The following C8orf34 variants were observed in gnomAD, a reference collection of about 807,000 sequenced individuals.
C8orf34 encodes the protein chromosome 8 open reading frame 34.
In C8orf34, 65 loss-of-function variants were observed where a neutral mutation model predicts 68.3. The ratio of observed to expected loss-of-function variants is 0.95; its 90% CI spans 0.78 to 1.17. C8orf34 has a LOEUF of 1.17. Among genes scored for constraint, C8orf34 ranks in the 50% most tolerant of loss-of-function variants. The probability of loss-of-function intolerance (pLI) is 0.00; values close to 1 mark genes in which losing one functional copy is unlikely to be tolerated. For synonymous variants in C8orf34, 244 were observed against 241.2 expected (o/e 1.01, Z -0.11); for missense variants, 664 against 655.4 (o/e 1.01, Z -0.14).
At chr8:68,459,971 C>G (rs1811725867) in intron 3 of C8orf34, among the ~76,000 whole-genome samples, 1 of 152,110 alleles carries the variant, frequency 6.6e-6, no homozygotes, top group South Asian at 2.1e-4. Context: ...TATGCGCGAG[C>G]CGAAGCAGGA....
intron 10 of C8orf34, among the ~76,000 whole-genome samples, chr8:68,731,683 AAACT>A (rs1821982447): frequency 6.6e-6 from 1 of 152,240 alleles, no homozygotes; most frequent in Non-Finnish European, 1.5e-5. Context: ...TTCTTACATA[AAACT>A]ATCTATTAGT....
At chr8:68,500,311 C>G (rs577301721) in intron 5 of C8orf34, among the ~76,000 whole-genome samples, 4 of 152,224 alleles carry the variant, frequency 2.6e-5, no homozygotes, top group South Asian at 2.1e-4. Flanking sequence ...TAAAAAATAA[C>G]TGGCCCATAC....
chr8:68,682,200 A>C (rs1820390071), intron 8 of C8orf34, among the ~76,000 whole-genome samples: 1 of 152,132 alleles, frequency 6.6e-6, no homozygotes, highest in Admixed American at 6.6e-5. Context: ...AAAAATAGCT[A>C]AAATAGTATA....
At chr8:68,457,611 A>G (rs1811607894) in intron 3 of C8orf34, among the ~76,000 whole-genome samples, 1 of 152,206 alleles carries the variant, frequency 6.6e-6, no homozygotes. Context: ...GAATTTGATG[A>G]CTATAATAAA....
intron 7 of C8orf34, among the ~76,000 whole-genome samples, chr8:68,591,986 C>T (rs1290785155): frequency 6.6e-6 from 1 of 151,932 alleles, no homozygotes; most frequent in Non-Finnish European, 1.5e-5. Context: ...AAAAGGAACC[C>T]CCCAAATAAG....
At position 68,446,460 on chromosome 8, in the gene C8orf34, T is replaced by C. The variant is rs1420059245; in HGVS notation, c.607T>C (p.Leu203=). 5 of 1,610,306 alleles carry C rather than the reference T, an allele frequency of 3.1e-6. No homozygotes were observed. The highest frequency in any genetic ancestry group is 1.1e-5 in the South Asian group (1 of 89,916). The change falls in exon 3 of 14, where the codon TTG becomes CTG. Residue 203 remains leucine, a splice_region_variant and synonymous_variant. Coordinates refer to ENST00000518698, the MANE Select transcript of C8orf34 (RefSeq NM_052958.4). ...ISPPSPDSKS[L]PRSVEHPKWN... is the part of the protein sequence containing the mutation. The stretch of plus-strand genomic sequence containing the variant: ...TCCACCATCACCGGACTCCAAATCA[T>C]GTAAGGAAGTCTCTTATTCAAATGC...
intron 1 of C8orf34, among the ~76,000 whole-genome samples, chr8:68,419,722 G>A (rs1396709451): frequency 1.0e-4 from 15 of 150,456 alleles, no homozygotes; most frequent in African/African-American, 2.0e-4. Context: ...GTAAACTATC[G>A]CAAGAACAAA....
chr8:68,335,106 C>A (rs1212123967), intron 1 of C8orf34, among the ~76,000 whole-genome samples: 1 of 152,106 alleles, frequency 6.6e-6, no homozygotes, highest in African/African-American at 2.4e-5. Context: ...CAGCCGTGGG[C>A]TACCTGTTAT....
chr8:68,773,478 GCAA>G (rs1022212360), intron 10 of C8orf34, among the ~76,000 whole-genome samples: 97 of 152,112 alleles, frequency 6.4e-4, no homozygotes, highest in African/African-American at 2.2e-3. Flanking sequence ...TCGGCTCACT[GCAA>G]CCTCTGCCTC....
chr8:68,737,780 G>T (rs1232643831), intron 10 of C8orf34, among the ~76,000 whole-genome samples: 2 of 151,976 alleles, frequency 1.3e-5, no homozygotes, highest in Non-Finnish European at 2.9e-5. Context: ...AGCAAGTTCT[G>T]AGAGACCTTC....
chr8:68,482,925 A>G (rs896541950), intron 4 of C8orf34, among the ~76,000 whole-genome samples: 1 of 152,206 alleles, frequency 6.6e-6, no homozygotes, highest in African/African-American at 2.4e-5. Context: ...ACAGTTGAAA[A>G]AAGGCTTAAA....
At chr8:68,725,137 G>T (rs1821792655) in intron 10 of C8orf34, among the ~76,000 whole-genome samples, 1 of 152,134 alleles carries the variant, frequency 6.6e-6, no homozygotes, top group Non-Finnish European at 1.5e-5. Flanking sequence ...AAAATGCTGG[G>T]ATTACAGGAA....
chr8:68,560,801 A>G (rs972953900), intron 7 of C8orf34, among the ~76,000 whole-genome samples: 5 of 152,144 alleles, frequency 3.3e-5, no homozygotes, highest in African/African-American at 1.2e-4. Flanking sequence ...TGGGTGAGTC[A>G]AGTGAGTGGT....
chr8:68,369,922 T>A (rs1807485575), intron 1 of C8orf34, among the ~76,000 whole-genome samples: 1 of 152,184 alleles, frequency 6.6e-6, no homozygotes, highest in African/African-American at 2.4e-5. Context: ...CAGAGTCTTC[T>A]CTTGCTTTGG....
chr8:68,471,481 T>C (rs1812374744), intron 4 of C8orf34, among the ~76,000 whole-genome samples: 1 of 152,154 alleles, frequency 6.6e-6, no homozygotes. Flanking sequence ...TGCCCAGAGT[T>C]TAGCTATGTA....
At chr8:68,598,910 A>C (rs1817622257) in intron 7 of C8orf34, among the ~76,000 whole-genome samples, 1 of 152,144 alleles carries the variant, frequency 6.6e-6, no homozygotes, top group Non-Finnish European at 1.5e-5. Flanking sequence ...AAGACAGGTA[A>C]ATTTCAGACA....
intron 7 of C8orf34, among the ~76,000 whole-genome samples, chr8:68,630,157 T>G (rs904525723): frequency 2.0e-5 from 3 of 151,938 alleles, no homozygotes. Context: ...AATAGAAAAA[T>G]AATGAGTTAC....
chr8:68,625,687 C>T, intron 7 of C8orf34: 1 of 695,862 alleles, frequency 1.4e-6, no homozygotes, highest in South Asian at 1.5e-5. Flanking sequence ...CCCTGTGGCA[C>T]ACCACAAGGG....
At chr8:68,685,531 G>C (rs1375897181) in intron 8 of C8orf34, among the ~76,000 whole-genome samples, 1 of 152,070 alleles carries the variant, frequency 6.6e-6, no homozygotes, top group Non-Finnish European at 1.5e-5. Flanking sequence ...TCCAAGTTGA[G>C]GTATGAGTTT....
Sources: gnomAD v4.1 joint callset for allele counts (sites outside exome capture counted in the v4.1 genomes callset) on GRCh38, gnomAD v4.1.1 for gene constraint, MANE v1.5 for transcripts, NCBI Gene and HGNC (gene_info 2026-07-23, HGNC 2026-07-21) for gene names.